The following ISY1 variants were observed in gnomAD, a reference collection of about 807,000 sequenced individuals.
ISY1 encodes ISY1 spliceosome associated protein.
A neutral mutation model predicts 54.4 loss-of-function variants in ISY1; 12 were observed. That is an observed-to-expected ratio of 0.22 (90% CI 0.14 to 0.36). The LOEUF (loss-of-function observed/expected upper bound fraction) is 0.36. Among genes scored for constraint, ISY1 ranks in the 10% least tolerant of loss-of-function variants. The pLI is 1.00. For synonymous variants in ISY1, 96 were observed against 117.9 expected, an observed-to-expected ratio of 0.81 and a Z score of 1.20; for missense variants, 282 against 342.2, an observed-to-expected ratio of 0.82 and a Z score of 1.39.
intron 6 of ISY1, among the ~76,000 whole-genome samples, chr3:129,145,451 G>A (rs1936738821): frequency 6.6e-6 from 1 of 152,230 alleles, no homozygotes; most frequent in South Asian, 2.1e-4. Flanking sequence ...TTGAACTCCT[G>A]ACCTCAAGTG....
chr3:129,159,225 T>G (rs1937233287), intron 1 of ISY1, 49 bp from the exon 2 acceptor site: 2 of 1,583,946 alleles, frequency 1.3e-6, no homozygotes, highest in Non-Finnish European at 1.7e-6. Context: ...AAAATATATT[T>G]TTTTCTTGCC....
intron 10 of ISY1, 49 bp from the exon 11 acceptor site, chr3:129,130,237 C>G: frequency 5.8e-6 from 9 of 1,540,348 alleles, no homozygotes; most frequent in South Asian, 2.5e-5. Context: ...AGCCCCTCAA[C>G]CCCTGCCAGA....
rs1225756374 is a variant in ISY1, at chr3:129,140,464, C to T, written c.322G>A (p.Asp108Asn). 6.2e-7 allele frequency: 1 copy of T among 1,609,950 alleles called. No homozygotes were observed. The highest frequency in any genetic ancestry group is 8.5e-7 in the Non-Finnish European group (1 of 1,179,060). ...CCTGGGACTTCTTTTCCTTCATGAT[C>T]CAGCATTTTAGGGCCAACTTTCTTA... ...DYGKVGPKML[D>N]HEGKEVPGNR... The change falls in exon 7 of 11, where the codon GAT becomes AAT. Residue 108 changes from aspartate (D) to asparagine (N), a missense_variant. This residue lies in a region of ISY1 where 279 missense variants were observed against 323.6 expected (regional missense o/e 0.86). Transcript: ENST00000393295.
chr3:129,135,996 A>T lies in ISY1; in HGVS notation c.419-1042T>A, dbSNP rs138470134. Among the ~76,000 whole-genome samples the T allele has an allele frequency of 1.7e-3, 256 of 152,312 alleles. 2 individuals are homozygous for T. The highest frequency in any genetic ancestry group is 6.0e-3 in the African/African-American group (248 of 41,572). On this transcript the variant is annotated intron_variant, in intron 7 of 10. Coordinates refer to ENST00000393295, the MANE Select transcript of ISY1 (RefSeq NM_020701.4). ...TTAATGAAAAAGCATGACAGGAAAC[A>T]TAAGTAAATAAAAAAGACAAAAGAA...
chr3:129,158,860 A>C (rs1421767862), intron 2 of ISY1, among the ~76,000 whole-genome samples: 9 of 152,174 alleles, frequency 5.9e-5, no homozygotes, highest in Admixed American at 5.9e-4. Flanking sequence ...AGGTGTTAAA[A>C]GACTAACATC....
intron 5 of ISY1, among the ~76,000 whole-genome samples, chr3:129,149,805 A>AAGG (rs1553783040): frequency 1.3e-4 from 8 of 60,022 alleles, no homozygotes; most frequent in Non-Finnish European, 3.2e-5. Context: ...AAAAAAAAAA[A>AAGG]AAAGAAAGAA....
intron 5 of ISY1, 51 bp downstream of exon 5, chr3:129,156,582 T>C (rs1937147535): frequency 6.3e-7 from 1 of 1,583,848 alleles, no homozygotes; most frequent in African/African-American, 1.4e-5. Flanking sequence ...AGTCCTCAAG[T>C]CTAATTGTGG....
chr3:129,149,636 T>TAC (rs1553783004), intron 5 of ISY1, among the ~76,000 whole-genome samples: 27,581 of 54,416 alleles, frequency 0.51, 9,956 homozygotes, highest in Middle Eastern at 0.78. Context: ...TATATATATA[T>TAC]ACACAAAAAA....
chr3:129,139,696 G>A lies in ISY1; in HGVS notation c.418+672C>T, dbSNP rs970812561. ...TCGCTCTTGCTGTCCAGGCTGGAGT[G>A]CAATGGCACGATCTCGGCTCACCGC... On this transcript the variant is annotated intron_variant, in intron 7 of 10. Coordinates refer to ENST00000393295, the MANE Select transcript of ISY1 (RefSeq NM_020701.4). 9.2e-5 allele frequency among the ~76,000 whole-genome samples: 14 copies of A among 151,902 alleles called. 2 individuals are homozygous for A. The highest frequency in any genetic ancestry group is 4.6e-4 in the Admixed American group (7 of 15,246).
intron 1 of ISY1, 71 bp downstream of exon 1, chr3:129,160,902 C>T (rs924316570): frequency 6.6e-7 from 1 of 1,523,198 alleles, no homozygotes; most frequent in South Asian, 1.2e-5. Flanking sequence ...GAATGAGCGC[C>T]CCAGGTGGAC....
At chr3:129,153,529 A>G (rs1395895224) in intron 5 of ISY1, among the ~76,000 whole-genome samples, 1 of 152,130 alleles carries the variant, frequency 6.6e-6, no homozygotes, top group African/African-American at 2.4e-5. Flanking sequence ...CAAGCCTGTA[A>G]TCCCAGCACT....
At chr3:129,151,610 C>T (rs1936972502) in intron 5 of ISY1, among the ~76,000 whole-genome samples, 1 of 152,100 alleles carries the variant, frequency 6.6e-6, no homozygotes, top group African/African-American at 2.4e-5. Context: ...GCCTGGGTGA[C>T]AGAGCGAGAC....
chr3:129,140,394 C>A lies in ISY1; in HGVS notation c.392G>T (p.Gly131Val), dbSNP rs781776433. Residue 131 changes from glycine (G) to valine (V), a missense_variant, in exon 7 of 11, where the codon GGT (glycine) becomes GTT (valine). Gly to Val is a moderately radical substitution (Grantham distance 109). Coordinates refer to ENST00000393295, the MANE Select transcript of ISY1 (RefSeq NM_020701.4). ...TTCTTTTTCAAACAGCTCTCTAACA[C>A]CAGGCAAATCTTTTGCTGCTCCAAA... ...KYFGAAKDLP[G>V]VRELFEKEPL... 5 of 1,610,902 alleles carry A rather than the reference C, an allele frequency of 3.1e-6. No individual in the cohort carries two copies. The African/African-American group carries it at 5.4e-5, about 17-fold the overall frequency.
At chr3:129,148,301 T>C (rs966853291) in intron 5 of ISY1, among the ~76,000 whole-genome samples, 10 of 152,218 alleles carry the variant, frequency 6.6e-5, no homozygotes, top group African/African-American at 2.4e-4. Flanking sequence ...GAGAAATACC[T>C]AGGAGTGGAA....
rs1032784621 is a variant in ISY1 at position 129,128,785 on chromosome 3, C to G, written c.*1296G>C. The stretch of plus-strand genomic sequence containing the variant: ...CCAGGAACAGCCATCTGGCCCTGAC[C>G]CTGAGTTCCCAGACACTCCCATGAC... On this transcript the variant is annotated 3_prime_UTR_variant, in exon 11 of 11. Transcript: ENST00000393295. 6 of 152,734 alleles carry G rather than the reference C, an allele frequency of 3.9e-5. No homozygotes were observed. Among genetic ancestry groups the G allele is most frequent in the African/African-American group, 1.4e-4 (6 of 41,466 alleles). The allele number at this position is 152,734 out of a possible 1,614,324, so 9.5% of individuals were successfully genotyped here. A position where few individuals can be genotyped will look rare whatever the true frequency, so the allele number is the denominator to read the frequency against.
intron 5 of ISY1, among the ~76,000 whole-genome samples, chr3:129,154,802 C>A (rs916080886): frequency 6.6e-6 from 1 of 151,528 alleles, no homozygotes; most frequent in Admixed American, 6.6e-5. Flanking sequence ...CATTCTCCTG[C>A]CTCAGCCTCC....
At chr3:129,154,071 T>C (rs1937057065) in intron 5 of ISY1, among the ~76,000 whole-genome samples, 1 of 151,542 alleles carries the variant, frequency 6.6e-6, no homozygotes, top group African/African-American at 2.4e-5. Flanking sequence ...TGAAACCCCA[T>C]CTCTACTAAA....
At chr3:129,132,643 G>A (rs1176910985) in intron 9 of ISY1, among the ~76,000 whole-genome samples, 1 of 152,178 alleles carries the variant, frequency 6.6e-6, no homozygotes, top group Non-Finnish European at 1.5e-5. Context: ...AGGGACTGTT[G>A]CTCACTGTCT....
At chr3:129,133,348 A>G (rs114681215) in intron 9 of ISY1, among the ~76,000 whole-genome samples, 1,950 of 152,342 alleles carry the variant, frequency 0.013, 29 homozygotes, top group African/African-American at 0.044. Context: ...TTCCCCAACC[A>G]TGACCCTCTA....
Sources: allele counts gnomAD v4.1 joint callset (sites outside exome capture counted in the v4.1 genomes callset), GRCh38; gene constraint gnomAD v4.1.1; regional missense constraint gnomAD v4.1.1; transcripts MANE v1.5; gene names NCBI Gene and HGNC (gene_info 2026-07-23, HGNC 2026-07-21).